The following ABL1 variants were observed in gnomAD, a reference collection of about 807,000 sequenced individuals.
The protein encoded by ABL1 is tyrosine-protein kinase ABL1.
In ABL1, 11 loss-of-function variants were observed where a neutral mutation model predicts 94.7. That is an observed-to-expected ratio of 0.12 (90% CI 0.07 to 0.19). ABL1 has a LOEUF of 0.19. Ranked by LOEUF, ABL1 falls within the 10% of genes least tolerant of loss-of-function variation. ABL1 has a pLI of 1.00. For missense variants in ABL1, 1,082 were observed against 1,489.4 expected, an observed-to-expected ratio of 0.73 and a Z score of 4.50; for synonymous variants, 656 against 622.4, an observed-to-expected ratio of 1.05 and a Z score of -0.80.
intron 1 of ABL1, among the ~76,000 whole-genome samples, chr9:130,743,426 G>C (rs546489149): frequency 2.0e-5 from 3 of 152,288 alleles, no homozygotes; most frequent in Non-Finnish European, 4.4e-5. Flanking sequence ...ATGACCCCCA[G>C]TGATTCCCCA....
chr9:130,715,173 A>G (rs1831422116), intron 1 of ABL1, among the ~76,000 whole-genome samples: 1 of 152,220 alleles, frequency 6.6e-6, no homozygotes, highest in Non-Finnish European at 1.5e-5. Context: ...TGGCATTTGA[A>G]TGCTGCCCGT....
intron 1 of ABL1, among the ~76,000 whole-genome samples, chr9:130,726,490 TTC>T (rs1474848642): frequency 2.6e-5 from 4 of 152,242 alleles, no homozygotes; most frequent in Non-Finnish European, 4.4e-5. Flanking sequence ...TTTGTGTTTT[TTC>T]TCTCTGTTTC....
chr9:130,851,159 CG>C (rs1461590999), intron 1 of ABL1, among the ~76,000 whole-genome samples: 13 of 151,978 alleles, frequency 8.6e-5, no homozygotes, highest in Non-Finnish European at 8.8e-5. Flanking sequence ...CTCCTGACCT[CG>C]GGGATCACAT....
Position 130,884,238 on chromosome 9 carries a change from C to A in ABL1, c.1948C>A (p.Pro650Thr), listed in dbSNP as rs755000604. Reference protein sequence around the residue: ...DISNGALAFTPLDTADPAKSP... With the variant: ...DISNGALAFTTLDTADPAKSP... ...CAGCAACGGGGCACTGGCTTTCACC[C>A]CCTTGGACACAGCTGACCCAGCCAA... Residue 650 changes from proline (P) to threonine (T), a missense_variant, in exon 11 of 11, where the codon CCC (proline) becomes ACC (threonine). Physicochemically the swap from Pro to Thr is conservative, Grantham distance 38 (BLOSUM62 -1). Around this residue, in one of 7 missense-constraint regions of ABL1, gnomAD observed 780 missense variants for 835.8 expected, o/e 0.93. Transcript: ENST00000318560. This position sits in a 1 kb window ranked among gnomAD's most constrained non-coding sequence, Gnocchi z 5.6. 21 of 1,604,486 alleles carry A rather than the reference C, an allele frequency of 1.3e-5. No homozygotes were observed. Among genetic ancestry groups the A allele is most frequent in the Non-Finnish European group, 1.7e-5 (20 of 1,175,756 alleles).
rs760177951 is a variant in ABL1 at position 130,885,003 on chromosome 9, G to T, written c.2713G>T (p.Ala905Ser). 3 of 1,611,788 alleles carry T rather than the reference G, an allele frequency of 1.9e-6. No individual in the cohort carries two copies. The highest frequency in any genetic ancestry group is 2.2e-5 in the South Asian group (2 of 91,032). The change falls in exon 11 of 11, where the codon GCC becomes TCC. Residue 905 changes from alanine to serine, a missense_variant. Physicochemically the swap from Ala to Ser is moderately conservative, Grantham distance 99. Transcript: ENST00000318560. Reference protein sequence around the residue: ...LKPAPPPPPAASAGKAGGKPS... With the variant: ...LKPAPPPPPASSAGKAGGKPS... The stretch of plus-strand genomic sequence containing the variant: ...ACCTGCCCCGCCGCCCCCACCAGCA[G>T]CCTCTGCAGGGAAGGCTGGAGGAAA...
chr9:130,847,764 C>T (rs756639138), intron 1 of ABL1, among the ~76,000 whole-genome samples: 9 of 152,184 alleles, frequency 5.9e-5, no homozygotes, highest in South Asian at 2.1e-4. Flanking sequence ...GATCGCCTGA[C>T]GTCCTGTTGA....
chr9:130,867,244 G>C (rs796466930), intron 4 of ABL1, among the ~76,000 whole-genome samples: 2 of 152,176 alleles, frequency 1.3e-5, no homozygotes, highest in African/African-American at 4.8e-5. Context: ...TTTTAACCAG[G>C]TGACAGCATC....
At chr9:130,811,419 A>G (rs1830206054) in intron 1 of ABL1, among the ~76,000 whole-genome samples, 1 of 152,250 alleles carries the variant, frequency 6.6e-6, no homozygotes, top group Non-Finnish European at 1.5e-5. Context: ...GATATGTCTT[A>G]GAGGTAATTA....
exon 1 of ABL1, among the ~76,000 whole-genome samples, chr9:130,713,753 C>CA (rs1831400024): frequency 6.6e-6 from 1 of 152,206 alleles, no homozygotes; most frequent in Admixed American, 6.5e-5. Context: ...TCCTTTTCGT[C>CA]AGAGTCGAGG....
At chr9:130,847,224 AT>A (rs1830787091) in intron 1 of ABL1, among the ~76,000 whole-genome samples, 1 of 152,232 alleles carries the variant, frequency 6.6e-6, no homozygotes, top group African/African-American at 2.4e-5. Context: ...CAGATCTTAA[AT>A]CTGTTTAAAG....
chr9:130,761,105 G>A (rs1236866515), intron 1 of ABL1, among the ~76,000 whole-genome samples: 4 of 151,994 alleles, frequency 2.6e-5, no homozygotes, highest in East Asian at 1.9e-4. Context: ...CCACCACCAC[G>A]GCTGGCTACT....
At chr9:130,842,987 G>A (rs796834635) in intron 1 of ABL1, among the ~76,000 whole-genome samples, 1 of 152,184 alleles carries the variant, frequency 6.6e-6, no homozygotes, top group Admixed American at 6.5e-5. Flanking sequence ...TTATATTTCA[G>A]TCAAAACAAA....
chr9:130,816,652 T>G (rs1490282536), intron 1 of ABL1, among the ~76,000 whole-genome samples: 2 of 152,016 alleles, frequency 1.3e-5, no homozygotes, highest in African/African-American at 4.8e-5. Flanking sequence ...AGGATAGACA[T>G]TCCCATTCCA....
At position 130,872,008 on chromosome 9, in the gene ABL1, C is replaced by G. The variant is rs1831258311; in HGVS notation, c.823-121C>G. 1.9e-5 allele frequency: 15 copies of G among 782,250 alleles called. 1 individual carries two copies. The South Asian group carries it at 2.7e-4, about 14-fold the overall frequency. The allele number at this position is 782,250 out of a possible 1,614,324, so 48.5% of individuals were successfully genotyped here. A position where few individuals can be genotyped will look rare whatever the true frequency, so the allele number is the denominator to read the frequency against. ...AACCTGTCTGCAGCAATGTGGCTGT[C>G]ACAAAACGCAGCCCAGGACGAGTAT... On this transcript the variant is annotated intron_variant, in intron 4 of 10. Transcript: ENST00000318560. The surrounding 1 kb of genome is among the most constrained non-coding windows in gnomAD (Gnocchi z 5.0).
At chr9:130,749,824 T>TA (rs1257037975) in intron 1 of ABL1, among the ~76,000 whole-genome samples, 2 of 152,150 alleles carry the variant, frequency 1.3e-5, no homozygotes, top group African/African-American at 4.8e-5. Context: ...TAATTTGAGA[T>TA]ACAAGATCTC....
Position 130,872,255 on chromosome 9 carries a change from A to T in ABL1, c.907+42A>T. ...CTCTGAAGAGAGGGTCTCGCGCCGC[A>T]CCCCCAGGGTGACACAGGCGCTGGG... On this transcript the variant is annotated intron_variant, in intron 5 of 10. Transcript: ENST00000318560. This position sits in a 1 kb window ranked among gnomAD's most constrained non-coding sequence, Gnocchi z 5.0. 6.4e-7 allele frequency: 1 copy of T among 1,574,214 alleles called. No homozygotes were observed. The highest frequency in any genetic ancestry group is 8.7e-7 in the Non-Finnish European group (1 of 1,148,830).
At chr9:130,784,817 A>G (rs919464301) in intron 1 of ABL1, among the ~76,000 whole-genome samples, 2 of 152,322 alleles carry the variant, frequency 1.3e-5, no homozygotes, top group South Asian at 2.1e-4. Flanking sequence ...GTTAAGCTAC[A>G]GGAGGCTTAG....
At chr9:130,750,840 T>C (rs925302070) in intron 1 of ABL1, among the ~76,000 whole-genome samples, 1 of 151,432 alleles carries the variant, frequency 6.6e-6, no homozygotes, top group Non-Finnish European at 1.5e-5. Flanking sequence ...AGACACAGGG[T>C]TTCACCATGT....
intron 1 of ABL1, among the ~76,000 whole-genome samples, chr9:130,761,159 G>A (rs1018510600): frequency 1.3e-5 from 2 of 152,140 alleles, no homozygotes; most frequent in Non-Finnish European, 2.9e-5. Context: ...AGTAGAGACA[G>A]GGTTTCACTG....
Sources: gnomAD v4.1 joint callset for allele counts (sites outside exome capture counted in the v4.1 genomes callset) on GRCh38, gnomAD v4.1.1 for gene constraint, gnomAD v4.1.1 regional missense constraint, Gnocchi (gnomAD v3.1) non-coding constraint, MANE v1.5 for transcripts, NCBI Gene and HGNC (gene_info 2026-07-23, HGNC 2026-07-21) for gene names.